CEP135: variants seen among roughly 807,000 people sequenced by gnomAD.
The protein encoded by CEP135 is centrosomal protein 135.
CEP135 carries 142 observed loss-of-function variants against 157.3 expected under a neutral mutation model. The ratio of observed to expected loss-of-function variants is 0.90; its 90% CI spans 0.79 to 1.04. The LOEUF is 1.04. Among genes scored for constraint, CEP135 ranks in the 50% least tolerant of loss-of-function variants. The pLI, the probability that CEP135 is intolerant of heterozygous loss-of-function variation, is 0.00. For synonymous variants in CEP135, 396 were observed against 439.8 expected, an observed-to-expected ratio of 0.90 and a Z score of 1.25; for missense variants, 1,317 against 1,309.2, an observed-to-expected ratio of 1.01 and a Z score of -0.09.
At chr4:56,010,462 A>C (rs748174486) in intron 19 of CEP135, among the ~76,000 whole-genome samples, 3 of 151,924 alleles carry the variant, frequency 2.0e-5, no homozygotes, top group Non-Finnish European at 4.4e-5. Context: ...AATGGGTGCA[A>C]CTGGTCTTCT....
At chr4:55,980,485 A>T (rs1729365134) in intron 12 of CEP135, among the ~76,000 whole-genome samples, 190 bp downstream of exon 12, 1 of 152,092 alleles carries the variant, frequency 6.6e-6, no homozygotes, top group African/African-American at 2.4e-5. Flanking sequence ...TTTCATATTT[A>T]TTCTTTCCCT....
intron 15 of CEP135, among the ~76,000 whole-genome samples, chr4:55,995,885 T>C (rs1729954382): frequency 6.6e-6 from 1 of 152,110 alleles, no homozygotes; most frequent in Admixed American, 6.5e-5. Flanking sequence ...CAGCTGAAAA[T>C]ACTGTCAGAC....
chr4:55,973,840 T>C (rs1374086281), intron 10 of CEP135, among the ~76,000 whole-genome samples: 1 of 152,128 alleles, frequency 6.6e-6, no homozygotes, highest in Admixed American at 6.5e-5. Flanking sequence ...TCAACAAAAC[T>C]GCTCTTGTTA....
At position 55,965,698 on chromosome 4, in the gene CEP135, A is replaced by G; in HGVS notation, c.883A>G (p.Met295Val). Residue 295 changes from methionine to valine, a missense_variant, in exon 8 of 26, where the codon ATG becomes GTG. Met to Val is a conservative substitution (Grantham distance 21). Transcript: ENST00000257287. Reference protein sequence around the residue: ...KDLEKRIRELMETKETVTSEV... With the variant: ...KDLEKRIRELVETKETVTSEV... ...CCTGGAGAAGCGTATACGAGAGCTT[A>G]TGGAAACCAAGGAAACAGTGACATC... The G allele has an allele frequency of 6.2e-7, 1 of 1,613,946 alleles. No homozygotes were observed. The highest frequency in any genetic ancestry group is 1.7e-5 in the Admixed American group (1 of 60,004).
At chr4:56,010,183 C>G (rs547416840) in intron 19 of CEP135, among the ~76,000 whole-genome samples, 5 of 133,800 alleles carry the variant, frequency 3.7e-5, no homozygotes, top group South Asian at 2.8e-4. Flanking sequence ...AAACCCCCCC[C>G]CCACCCCCAT....
At chr4:55,953,701 T>C (rs868026104) in intron 3 of CEP135, among the ~76,000 whole-genome samples, 58 of 152,290 alleles carry the variant, frequency 3.8e-4, no homozygotes, top group African/African-American at 1.3e-3. Flanking sequence ...GAATATTAAA[T>C]GCTGGATTTG....
chr4:55,959,753 A>G lies in CEP135; in HGVS notation c.686A>G (p.Asp229Gly), dbSNP rs137876652. 18 of 1,613,610 alleles carry G rather than the reference A, an allele frequency of 1.1e-5. No individual in the cohort carries two copies. The East Asian group carries it at 4.0e-4, about 36-fold the overall frequency. Residue 229 changes from aspartate to glycine, a missense_variant, in exon 6 of 26, where the codon GAC (aspartate) becomes GGC (glycine). Coordinates refer to ENST00000257287, the MANE Select transcript of CEP135 (RefSeq NM_025009.5). Reference sequence around the variant, plus strand: ...GCAATGATGGAAAGTGGGGTGAGAGACTATAGCAAGCAGGTAGGATTTTTA... The same window carrying G: ...GCAATGATGGAAAGTGGGGTGAGAGGCTATAGCAAGCAGGTAGGATTTTTA... ...KLAMMESGVR[D>G]YSKQIELRER...
intron 21 of CEP135, among the ~76,000 whole-genome samples, chr4:56,012,215 T>C (rs2109735069): frequency 6.6e-6 from 1 of 152,202 alleles, no homozygotes; most frequent in South Asian, 2.1e-4. Context: ...CCACCACACC[T>C]GGCCAATTTT....
At chr4:55,980,406 T>G in intron 12 of CEP135, 111 bp downstream of exon 12, 1 of 619,174 alleles carries the variant, frequency 1.6e-6, no homozygotes, top group Non-Finnish European at 2.6e-6. Flanking sequence ...TGATATTTCT[T>G]CATAATTAAA....
At chr4:55,967,616 T>G (rs1314066325) in intron 8 of CEP135, among the ~76,000 whole-genome samples, 1 of 152,232 alleles carries the variant, frequency 6.6e-6, no homozygotes, top group Admixed American at 6.5e-5. Flanking sequence ...TGCTGATTCC[T>G]TAGAACTATG....
At chr4:55,988,965 C>T (rs1353012890) in intron 14 of CEP135, among the ~76,000 whole-genome samples, 5 of 135,936 alleles carry the variant, frequency 3.7e-5, no homozygotes, top group East Asian at 2.1e-4. Context: ...GACTCCGTCT[C>T]GAAAAAAAAA....
At chr4:56,027,688 T>A (rs1372676494) in intron 25 of CEP135, among the ~76,000 whole-genome samples, 1 of 152,144 alleles carries the variant, frequency 6.6e-6, no homozygotes, top group African/African-American at 2.4e-5. Flanking sequence ...ATTTTTGTTT[T>A]GTTTTGTTTT....
At chr4:56,014,209 T>G (rs1339964570) in intron 21 of CEP135, among the ~76,000 whole-genome samples, 1 of 152,230 alleles carries the variant, frequency 6.6e-6, no homozygotes, top group African/African-American at 2.4e-5. Flanking sequence ...CCTAGGAAAC[T>G]AATACAGATT....
chr4:55,978,386 G>A (rs1188922854), intron 11 of CEP135, among the ~76,000 whole-genome samples: 1 of 152,158 alleles, frequency 6.6e-6, no homozygotes, highest in African/African-American at 2.4e-5. Flanking sequence ...AATACTATAA[G>A]AGTATATAGA....
intron 11 of CEP135, 29 bp downstream of exon 11, chr4:55,974,998 A>G (rs962238571): frequency 1.4e-6 from 2 of 1,456,316 alleles, no homozygotes. Context: ...AGTAGGCCAG[A>G]AAGTATCTTT....
At chr4:56,025,974 C>T (rs1002666225) in intron 25 of CEP135, among the ~76,000 whole-genome samples, 43 of 151,390 alleles carry the variant, frequency 2.8e-4, no homozygotes, top group Non-Finnish European at 5.9e-4. Flanking sequence ...TTTGGGAGGC[C>T]GAGGCGGGTG....
At chr4:56,015,835 T>C (rs941568213) in intron 21 of CEP135, among the ~76,000 whole-genome samples, 1 of 152,184 alleles carries the variant, frequency 6.6e-6, no homozygotes, top group South Asian at 2.1e-4. Context: ...GAGTTGATGC[T>C]AGAATGTTAG....
At chr4:56,020,642 C>T (rs199753366) in intron 23 of CEP135, 34 bp from the exon 24 acceptor site, 28 of 1,572,404 alleles carry the variant, frequency 1.8e-5, no homozygotes, top group African/African-American at 9.5e-5. Context: ...CAAAACGGAA[C>T]GTTTATTTCT....
chr4:55,977,112 G>A (rs1432274149), intron 11 of CEP135, among the ~76,000 whole-genome samples: 5 of 152,018 alleles, frequency 3.3e-5, no homozygotes, highest in African/African-American at 1.2e-4. Flanking sequence ...GTGAGCCATG[G>A]TGGCCGCCCT....
Sources: gnomAD v4.1 joint callset for allele counts (sites outside exome capture counted in the v4.1 genomes callset) on GRCh38, gnomAD v4.1.1 for gene constraint, MANE v1.5 for transcripts, NCBI Gene and HGNC (gene_info 2026-07-23, HGNC 2026-07-21) for gene names.